Variants in FSTL5 observed in about 807,000 individuals in gnomAD.
The protein encoded by FSTL5 is follistatin-related protein 5.
In FSTL5, 62 loss-of-function variants were observed where a neutral mutation model predicts 89.1. The observed-to-expected ratio is 0.70, with a 90% CI of 0.57 to 0.86. FSTL5 has a LOEUF of 0.86. FSTL5 is among the 40% of genes least tolerant of loss of function. FSTL5 has a pLI of 0.00. For missense variants in FSTL5, 1,057 were observed against 1,001.6 expected, an observed-to-expected ratio of 1.06 and a Z score of -0.75; for synonymous variants, 383 against 346.2, an observed-to-expected ratio of 1.11 and a Z score of -1.18.
intron 4 of FSTL5, among the ~76,000 whole-genome samples, chr4:161,796,637 T>C (rs1458299204): frequency 6.6e-6 from 1 of 151,686 alleles, no homozygotes; most frequent in Non-Finnish European, 1.5e-5. Flanking sequence ...TTCCAGAAAG[T>C]TTTTTTCATT....
chr4:162,163,515 CA>C (rs2110776719), intron 1 of FSTL5, 99 bp downstream of exon 1: 1 of 149,374 alleles, frequency 6.7e-6, no homozygotes, highest in East Asian at 2.0e-4. Context: ...AGTCCAGTTT[CA>C]AATTATAAAA....
chr4:161,991,356 C>A (rs74437217), intron 3 of FSTL5, among the ~76,000 whole-genome samples: 1,830 of 152,146 alleles, frequency 0.012, 44 homozygotes, highest in African/African-American at 0.042. Flanking sequence ...TTGGTCATTG[C>A]AGCATCAACT....
intron 2 of FSTL5, among the ~76,000 whole-genome samples, chr4:162,034,675 T>C (rs1425529430): frequency 6.6e-6 from 1 of 152,148 alleles, no homozygotes; most frequent in Admixed American, 6.6e-5. Context: ...CTTCGAAATA[T>C]GTTCCTAAGA....
At chr4:161,926,472 C>T (rs1734130357) in intron 3 of FSTL5, among the ~76,000 whole-genome samples, 1 of 150,162 alleles carries the variant, frequency 6.7e-6, no homozygotes, top group Admixed American at 6.7e-5. Flanking sequence ...GCCAGAGATC[C>T]AGGTAATTTG....
intron 4 of FSTL5, among the ~76,000 whole-genome samples, chr4:161,830,467 T>C (rs1326892798): frequency 1.3e-5 from 2 of 152,006 alleles, no homozygotes; most frequent in East Asian, 1.9e-4. Context: ...AAAAATGAAA[T>C]TATGTTTGCA....
chr4:161,795,172 A>G (rs1297843905), intron 4 of FSTL5, among the ~76,000 whole-genome samples: 1 of 152,098 alleles, frequency 6.6e-6, no homozygotes, highest in Non-Finnish European at 1.5e-5. Context: ...ATGGTGGCAG[A>G]TTTAGAAAAT....
intron 11 of FSTL5, among the ~76,000 whole-genome samples, chr4:161,501,264 G>C (rs1321219680): frequency 6.6e-6 from 1 of 151,818 alleles, no homozygotes; most frequent in East Asian, 1.9e-4. Context: ...TGATCTCCTG[G>C]AAGATTCAGC....
chr4:161,708,030 A>C (rs960726650), intron 6 of FSTL5, among the ~76,000 whole-genome samples: 13 of 152,052 alleles, frequency 8.5e-5, no homozygotes, highest in African/African-American at 2.9e-4. Context: ...AGAACATTCT[A>C]CTGAGTGCAT....
At chr4:161,523,569 C>G (rs57168353) in intron 10 of FSTL5, among the ~76,000 whole-genome samples, 1 of 152,122 alleles carries the variant, frequency 6.6e-6, no homozygotes, top group African/African-American at 2.4e-5. Flanking sequence ...TTCACATAGG[C>G]TGGTAAGCCA....
chr4:161,853,395 G>A (rs1466202843), intron 4 of FSTL5, among the ~76,000 whole-genome samples: 1 of 151,438 alleles, frequency 6.6e-6, no homozygotes, highest in Middle Eastern at 3.2e-3. Flanking sequence ...AGTCTCCTGA[G>A]TAGCTAGGAT....
At chr4:161,588,642 T>G (rs1295716617) in intron 7 of FSTL5, among the ~76,000 whole-genome samples, 1 of 152,114 alleles carries the variant, frequency 6.6e-6, no homozygotes, top group East Asian at 1.9e-4. Flanking sequence ...ATTCTGGAAA[T>G]AGAGAAAGGT....
intron 8 of FSTL5, among the ~76,000 whole-genome samples, chr4:161,549,899 T>C (rs964591900): frequency 1.3e-5 from 2 of 151,958 alleles, no homozygotes; most frequent in African/African-American, 2.4e-5. Context: ...CCATTGTATA[T>C]ACAAATTTCA....
At chr4:162,048,718 T>G (rs982791989) in intron 2 of FSTL5, among the ~76,000 whole-genome samples, 1 of 152,132 alleles carries the variant, frequency 6.6e-6, no homozygotes, top group Non-Finnish European at 1.5e-5. Flanking sequence ...AGAAAATGGA[T>G]GCATAGATGT....
chr4:161,559,099 C>T (rs1040342812), intron 8 of FSTL5, among the ~76,000 whole-genome samples: 11 of 151,864 alleles, frequency 7.2e-5, no homozygotes, highest in African/African-American at 2.7e-4. Flanking sequence ...ACTGCATTCT[C>T]CGTTTCTCAG....
At chr4:161,555,602 C>G (rs969880873) in intron 8 of FSTL5, among the ~76,000 whole-genome samples, 1 of 151,420 alleles carries the variant, frequency 6.6e-6, no homozygotes, top group Non-Finnish European at 1.5e-5. Context: ...AAAATTTGAA[C>G]GCATCTCTAA....
intron 9 of FSTL5, among the ~76,000 whole-genome samples, chr4:161,539,570 C>G (rs2126541008): frequency 6.6e-6 from 1 of 152,170 alleles, no homozygotes; most frequent in Middle Eastern, 3.4e-3. Flanking sequence ...TGCAACAGGC[C>G]AGGTGTAAAT....
intron 2 of FSTL5, among the ~76,000 whole-genome samples, chr4:162,048,598 T>TACACACAC (rs34979000): frequency 1.3e-5 from 2 of 149,432 alleles, no homozygotes; most frequent in East Asian, 2.0e-4. Flanking sequence ...ATTATACACA[T>TACACACAC]ACACACACAC....
At chr4:162,144,395 C>T (rs985144887) in intron 1 of FSTL5, among the ~76,000 whole-genome samples, 1 of 152,166 alleles carries the variant, frequency 6.6e-6, no homozygotes, top group African/African-American at 2.4e-5. Context: ...GAACTCTTCT[C>T]CTACAAGGCT....
intron 7 of FSTL5, among the ~76,000 whole-genome samples, chr4:161,647,739 G>T (rs1207596514): frequency 2.0e-5 from 3 of 152,114 alleles, no homozygotes; most frequent in African/African-American, 7.2e-5. Context: ...GAAGCGCTGG[G>T]TAGAAGAGGG....
Sources: gnomAD v4.1 joint callset for allele counts (sites outside exome capture counted in the v4.1 genomes callset) on GRCh38, gnomAD v4.1.1 for gene constraint, MANE v1.5 for transcripts, NCBI Gene and HGNC (gene_info 2026-07-23, HGNC 2026-07-21) for gene names.